Variants in SLC24A3 observed in about 807,000 individuals in gnomAD.
SLC24A3 encodes the protein solute carrier family 24 member 3.
A neutral mutation model predicts 75.8 loss-of-function variants in SLC24A3; 28 were observed. The ratio of observed to expected loss-of-function variants is 0.37; its 90% CI spans 0.27 to 0.51. The LOEUF (loss-of-function observed/expected upper bound fraction) is 0.51. Ranked by LOEUF, SLC24A3 falls within the 20% of genes least tolerant of loss-of-function variation. The pLI, the probability that SLC24A3 is intolerant of heterozygous loss-of-function variation, is 0.94. For synonymous variants in SLC24A3, 372 were observed against 334.1 expected, an observed-to-expected ratio of 1.11 and a Z score of -1.24; for missense variants, 663 against 847.8, an observed-to-expected ratio of 0.78 and a Z score of 2.71.
intron 6 of SLC24A3, among the ~76,000 whole-genome samples, chr20:19,586,956 A>T (rs2031305835): frequency 6.6e-6 from 1 of 152,222 alleles, no homozygotes; most frequent in South Asian, 2.1e-4. Flanking sequence ...AAATGTAGTT[A>T]GTATTTTTTT....
intron 2 of SLC24A3, among the ~76,000 whole-genome samples, chr20:19,367,617 G>T (rs1438956476): frequency 6.6e-6 from 1 of 152,122 alleles, no homozygotes; most frequent in Non-Finnish European, 1.5e-5. Flanking sequence ...CAGACTAGCT[G>T]TGGTCTCCCT....
intron 2 of SLC24A3, among the ~76,000 whole-genome samples, chr20:19,491,566 A>C: frequency 6.6e-6 from 1 of 152,080 alleles, no homozygotes; most frequent in East Asian, 1.9e-4. Context: ...CACCCCAGGC[A>C]CTGAGTGGCG....
intron 2 of SLC24A3, among the ~76,000 whole-genome samples, chr20:19,328,546 G>A (rs958590092): frequency 6.6e-6 from 1 of 152,144 alleles, no homozygotes; most frequent in African/African-American, 2.4e-5. Flanking sequence ...GGTTTGAATT[G>A]GTGACAACAC....
rs2033109119 is a variant in SLC24A3 at position 19,722,002 on chromosome 20, C to T, written c.*862C>T. 6.6e-6 allele frequency: 1 copy of T among 152,620 alleles called. No homozygotes were observed. Among genetic ancestry groups the T allele is most frequent in the Admixed American group, 6.5e-5 (1 of 15,286 alleles). The allele number at this position is 152,620 out of a possible 1,614,324, so 9.5% of individuals were successfully genotyped here. On this transcript the variant is annotated 3_prime_UTR_variant, in exon 17 of 17. Transcript: ENST00000328041. The stretch of plus-strand genomic sequence containing the variant: ...CTAGTTTTCAAGCAATAGTTCTAGC[C>T]TGCCTTGGACAAGGGGGCCCCAGTT...
chr20:19,243,787 T>C lies in SLC24A3; in HGVS notation c.142+30803T>C, dbSNP rs142087117. 8.6e-3 allele frequency: 1,317 copies of C among 152,502 alleles called. 9 individuals are homozygous for C. The highest frequency in any genetic ancestry group is 0.017 in the Admixed American group (264 of 15,282). 9.4% of individuals were successfully genotyped at this position (152,502 alleles called of 1,614,324 possible). On this transcript the variant is annotated intron_variant, in intron 1 of 16. Coordinates refer to ENST00000328041, the MANE Select transcript of SLC24A3 (RefSeq NM_020689.4). ...GCCCCTTCTTCTTTCCTCCCCTTGG[T>C]TCTGAGGACGCAGCCCCAGGCACCA...
intron 2 of SLC24A3, among the ~76,000 whole-genome samples, chr20:19,318,992 C>G (rs140670337): frequency 6.6e-6 from 1 of 152,038 alleles, no homozygotes; most frequent in Admixed American, 6.6e-5. Context: ...GAAGAAAGTT[C>G]GAGAAGGATC....
At chr20:19,231,183 C>T (rs1397013584) in intron 1 of SLC24A3, among the ~76,000 whole-genome samples, 1 of 152,204 alleles carries the variant, frequency 6.6e-6, no homozygotes, top group African/African-American at 2.4e-5. Context: ...ACACTATTTT[C>T]CCCATGCCAA....
chr20:19,538,983 A>G (rs1439725783), intron 3 of SLC24A3, among the ~76,000 whole-genome samples: 1 of 152,230 alleles, frequency 6.6e-6, no homozygotes, highest in Non-Finnish European at 1.5e-5. Context: ...CATGAACACA[A>G]TATTGAACCA....
At chr20:19,591,121 T>G (rs577177846) in intron 6 of SLC24A3, among the ~76,000 whole-genome samples, 1 of 152,238 alleles carries the variant, frequency 6.6e-6, no homozygotes, top group East Asian at 1.9e-4. Flanking sequence ...AGGCCCAGAG[T>G]TCTGCTAAGG....
chr20:19,507,230 A>T (rs534187600), intron 2 of SLC24A3, among the ~76,000 whole-genome samples: 1 of 152,356 alleles, frequency 6.6e-6, no homozygotes, highest in Admixed American at 6.5e-5. Context: ...TACAGAGAAG[A>T]ATCAATATCC....
At chr20:19,440,249 C>T (rs760766347) in intron 2 of SLC24A3, among the ~76,000 whole-genome samples, 13 of 152,218 alleles carry the variant, frequency 8.5e-5, no homozygotes, top group African/African-American at 2.4e-4. Context: ...CCTATCTGAC[C>T]GTGCATCCAC....
rs1445424042 is a variant in SLC24A3, at chr20:19,585,366, T to C, written c.509-75T>C. On this transcript the variant is annotated intron_variant, in intron 5 of 16. Coordinates refer to ENST00000328041, the MANE Select transcript of SLC24A3 (RefSeq NM_020689.4). ...GATTCTGAGAACAATCTAATGCTTA[T>C]GAAAGGTTCCCCATGCCCACCTTGG... is the stretch of plus-strand genomic sequence containing the variant. The C allele has an allele frequency of 2.9e-6, 4 of 1,385,530 alleles. No homozygotes were observed. The East Asian group carries it at 9.2e-5, about 32-fold the overall frequency. 85.8% of individuals were successfully genotyped at this position (1,385,530 alleles called of 1,614,324 possible). A position where few individuals can be genotyped will look rare whatever the true frequency, so the allele number is the denominator to read the frequency against.
intron 6 of SLC24A3, among the ~76,000 whole-genome samples, chr20:19,644,109 C>T (rs2032106552): frequency 6.6e-6 from 1 of 152,048 alleles, no homozygotes; most frequent in Admixed American, 6.6e-5. Flanking sequence ...AGTATGAAGC[C>T]CCAAACAAGT....
chr20:19,362,680 C>T (rs1985810735), intron 2 of SLC24A3, among the ~76,000 whole-genome samples: 1 of 152,138 alleles, frequency 6.6e-6, no homozygotes, highest in South Asian at 2.1e-4. Context: ...TGTGGGTCTC[C>T]CAAAGTAGAA....
chr20:19,329,046 A>G (rs1984934508), intron 2 of SLC24A3, among the ~76,000 whole-genome samples: 2 of 152,196 alleles, frequency 1.3e-5, no homozygotes, highest in Admixed American at 1.3e-4. Context: ...AGGCGACTCC[A>G]AGGCCATTAG....
chr20:19,250,650 A>T (rs773925936), intron 1 of SLC24A3, among the ~76,000 whole-genome samples: 1 of 152,216 alleles, frequency 6.6e-6, no homozygotes, highest in Non-Finnish European at 1.5e-5. Context: ...AGAGCTTTTT[A>T]AAAATTTTTT....
intron 2 of SLC24A3, among the ~76,000 whole-genome samples, chr20:19,484,763 C>T (rs551248421): frequency 9.2e-5 from 14 of 152,060 alleles, no homozygotes; most frequent in African/African-American, 2.7e-4. Context: ...CTAGTGGCTG[C>T]GCAAACAACA....
chr20:19,395,629 A>G (rs1170276683), intron 2 of SLC24A3, among the ~76,000 whole-genome samples: 2 of 152,252 alleles, frequency 1.3e-5, no homozygotes, highest in Non-Finnish European at 2.9e-5. Flanking sequence ...GCTGTGCTCT[A>G]GTAACTAAAC....
intron 3 of SLC24A3, among the ~76,000 whole-genome samples, chr20:19,542,386 G>T (rs1300670069): frequency 2.0e-5 from 3 of 152,206 alleles, no homozygotes; most frequent in Non-Finnish European, 4.4e-5. Flanking sequence ...GGGCAGGGCT[G>T]CTGCATCAGG....
Sources: allele counts gnomAD v4.1 joint callset (sites outside exome capture counted in the v4.1 genomes callset), GRCh38; gene constraint gnomAD v4.1.1; transcripts MANE v1.5; gene names NCBI Gene and HGNC (gene_info 2026-07-23, HGNC 2026-07-21).